Variants in MYO1D observed in about 807,000 individuals in gnomAD.
The protein encoded by MYO1D is unconventional myosin-Id.
A neutral mutation model predicts 122.0 loss-of-function variants in MYO1D; 83 were observed. The ratio of observed to expected loss-of-function variants is 0.68; its 90% CI spans 0.57 to 0.82. The LOEUF is 0.82. Ranked by LOEUF, MYO1D falls within the 40% of genes least tolerant of loss-of-function variation. The pLI is 0.00. For synonymous variants in MYO1D, 464 were observed against 446.9 expected, an observed-to-expected ratio of 1.04 and a Z score of -0.48; for missense variants, 1,157 against 1,269.5, an observed-to-expected ratio of 0.91 and a Z score of 1.35.
At chr17:32,614,888 G>A (rs1004324507) in intron 20 of MYO1D, among the ~76,000 whole-genome samples, 1 of 152,196 alleles carries the variant, frequency 6.6e-6, no homozygotes, top group African/African-American at 2.4e-5. Context: ...CCTGGCTTGA[G>A]CTCTGCCAGC....
chr17:32,565,927 G>A (rs2087169368), intron 21 of MYO1D, among the ~76,000 whole-genome samples: 1 of 152,108 alleles, frequency 6.6e-6, no homozygotes, highest in African/African-American at 2.4e-5. Flanking sequence ...GTTTCGCCAT[G>A]TTGGCCAGGC....
intron 16 of MYO1D, among the ~76,000 whole-genome samples, chr17:32,672,195 A>C (rs2088731255): frequency 6.6e-6 from 1 of 152,186 alleles, no homozygotes; most frequent in South Asian, 2.1e-4. Flanking sequence ...ACAAAGGAGG[A>C]TGTTAAGGTT....
chr17:32,588,945 A>C (rs1037695039), intron 21 of MYO1D, among the ~76,000 whole-genome samples: 3 of 147,516 alleles, frequency 2.0e-5, no homozygotes, highest in South Asian at 2.2e-4. Context: ...TTTGCCTCAA[A>C]AAACAAACAA....
At chr17:32,551,378 C>A (rs1266079789) in intron 21 of MYO1D, among the ~76,000 whole-genome samples, 1 of 152,216 alleles carries the variant, frequency 6.6e-6, no homozygotes. Context: ...AAAGCTTAGG[C>A]TAACCGGCTA....
intron 21 of MYO1D, among the ~76,000 whole-genome samples, chr17:32,550,149 G>C (rs1381733271): frequency 6.6e-6 from 1 of 151,394 alleles, no homozygotes; most frequent in Non-Finnish European, 1.5e-5. Flanking sequence ...GCCCAGGCTG[G>C]AGGGCAGCGG....
At chr17:32,706,415 C>G (rs2089309328) in intron 16 of MYO1D, among the ~76,000 whole-genome samples, 1 of 151,954 alleles carries the variant, frequency 6.6e-6, no homozygotes, top group Non-Finnish European at 1.5e-5. Flanking sequence ...GCCTAAATCT[C>G]TATTATGGCA....
At chr17:32,638,077 T>A (rs2088130488) in intron 20 of MYO1D, among the ~76,000 whole-genome samples, 1 of 152,218 alleles carries the variant, frequency 6.6e-6, no homozygotes, top group South Asian at 2.1e-4. Flanking sequence ...AATATTCCGG[T>A]AGGATCTTTC....
intron 16 of MYO1D, among the ~76,000 whole-genome samples, chr17:32,672,077 G>A (rs1016519666): frequency 6.6e-6 from 1 of 152,230 alleles, no homozygotes; most frequent in African/African-American, 2.4e-5. Context: ...ATTGGAGGAA[G>A]GGAAGGGAGT....
At chr17:32,739,404 A>G (rs546737763) in intron 13 of MYO1D, among the ~76,000 whole-genome samples, 1 of 150,168 alleles carries the variant, frequency 6.7e-6, no homozygotes, top group South Asian at 2.1e-4. Context: ...CAAAAAACCA[A>G]ACATCACATG....
At chr17:32,625,274 A>G (rs1277604127) in intron 20 of MYO1D, among the ~76,000 whole-genome samples, 1 of 151,630 alleles carries the variant, frequency 6.6e-6, no homozygotes, top group Non-Finnish European at 1.5e-5. Context: ...ATAGATAAAT[A>G]AAGAAAATGA....
At chr17:32,860,254 T>C (rs1391655678) in intron 1 of MYO1D, among the ~76,000 whole-genome samples, 1 of 152,254 alleles carries the variant, frequency 6.6e-6, no homozygotes, top group Non-Finnish European at 1.5e-5. Flanking sequence ...ACCTCTCTTA[T>C]CATTAGCCTT....
intron 16 of MYO1D, among the ~76,000 whole-genome samples, chr17:32,679,990 G>A (rs2088886653): frequency 7.1e-6 from 1 of 140,890 alleles, no homozygotes; most frequent in African/African-American, 2.7e-5. Flanking sequence ...CTTGTAAGTT[G>A]GATTCCTAGG....
At chr17:32,761,136 C>A (rs575216875) in intron 8 of MYO1D, among the ~76,000 whole-genome samples, 1 of 152,208 alleles carries the variant, frequency 6.6e-6, no homozygotes, top group Non-Finnish European at 1.5e-5. Flanking sequence ...CAAGAACACA[C>A]ACACTAAGCC....
intron 16 of MYO1D, among the ~76,000 whole-genome samples, chr17:32,701,309 G>T (rs2089245655): frequency 6.6e-6 from 1 of 152,106 alleles, no homozygotes; most frequent in African/African-American, 2.4e-5. Context: ...CCTTCCAGAT[G>T]GCTTCACAAG....
intron 21 of MYO1D, chr17:32,510,174 AT>A (rs969738056): frequency 3.3e-5 from 5 of 152,218 alleles, no homozygotes; most frequent in South Asian, 2.1e-4. Flanking sequence ...CCTCAACAGC[AT>A]TTGCGCCTCC....
At chr17:32,700,881 T>C (rs1291142063) in intron 16 of MYO1D, among the ~76,000 whole-genome samples, 7 of 149,348 alleles carry the variant, frequency 4.7e-5, no homozygotes, top group Admixed American at 4.7e-4. Context: ...GAGGTGGAGG[T>C]TGCAGTGAGC....
intron 19 of MYO1D, among the ~76,000 whole-genome samples, chr17:32,643,070 A>G (rs1205572945): frequency 6.6e-6 from 1 of 152,140 alleles, no homozygotes; most frequent in Non-Finnish European, 1.5e-5. Context: ...TGTCATAAAT[A>G]GTTCTTATTA....
At chr17:32,782,544 T>A (rs575117402) in intron 1 of MYO1D, among the ~76,000 whole-genome samples, 2 of 152,366 alleles carry the variant, frequency 1.3e-5, no homozygotes, top group Non-Finnish European at 2.9e-5. Flanking sequence ...ATGTTATGCA[T>A]AAGGGAGATT....
intron 16 of MYO1D, among the ~76,000 whole-genome samples, chr17:32,711,712 C>G (rs1379923217): frequency 6.6e-6 from 1 of 152,026 alleles, no homozygotes; most frequent in Non-Finnish European, 1.5e-5. Context: ...CAGTAAAGGA[C>G]AGAAAGACTG....
Sources: allele counts gnomAD v4.1 joint callset (sites outside exome capture counted in the v4.1 genomes callset), GRCh38; gene constraint gnomAD v4.1.1; transcripts MANE v1.5; gene names NCBI Gene and HGNC (gene_info 2026-07-23, HGNC 2026-07-21).